The following PUDP variants were observed in gnomAD, a reference collection of about 807,000 sequenced individuals.
PUDP encodes pseudouridine 5'-phosphatase.
A neutral mutation model predicts 9.4 loss-of-function variants in PUDP; 8 were observed. That is an observed-to-expected ratio of 0.85 (90% CI 0.50 to 1.53). The LOEUF (loss-of-function observed/expected upper bound fraction) is 1.53. Among genes scored for constraint, PUDP ranks in the 40% most tolerant of loss-of-function variants. The probability of loss-of-function intolerance (pLI) is 0.00; values close to 1 mark genes in which losing one functional copy is unlikely to be tolerated. For missense variants in PUDP, 188 were observed against 189.7 expected (o/e 0.99, Z 0.05); for synonymous variants, 99 against 80.7 (o/e 1.23, Z -1.22).
Position 6,794,278 on chromosome X carries a change from G to A in PUDP, c.*248-87812C>T, listed in dbSNP as rs188669553. ...CCTAGGCTACAAGCCTCTACAATACGTTACTGTACTGAACACTGCAGGCAA... is the reference window on the plus strand; with the variant it reads ...CCTAGGCTACAAGCCTCTACAATACATTACTGTACTGAACACTGCAGGCAA... On this transcript the variant is annotated intron_variant and NMD_transcript_variant, in intron 3 of 3. Coordinates refer to the PUDP transcript ENST00000655425. 4.4e-4 allele frequency among the ~76,000 whole-genome samples: 49 copies of A among 112,260 alleles called. No homozygotes were observed. The East Asian group carries it at 0.013, about 29-fold the overall frequency.
At chrX:7,073,638 G>A (rs1410401251) in intron 3 of PUDP, among the ~76,000 whole-genome samples, 2 of 112,581 alleles carry the variant, frequency 1.8e-5, no homozygotes, top group Non-Finnish European at 3.7e-5. Flanking sequence ...TGACACAAAT[G>A]CCAAGTACAA....
chrX:6,816,891 T>C (rs9724299), intron 3 of PUDP, among the ~76,000 whole-genome samples: 29,761 of 90,104 alleles, frequency 0.33, 4,723 homozygotes, highest in East Asian at 0.73. Flanking sequence ...ACAATATATA[T>C]ACACATACAG....
chrX:7,026,295 A>G (rs1319777649), intron 1 of PUDP, among the ~76,000 whole-genome samples: 1 of 111,399 alleles, frequency 9.0e-6, no homozygotes, highest in Non-Finnish European at 1.9e-5. Flanking sequence ...AAGCAGACCC[A>G]TTATCAGAGG....
intron 3 of PUDP, among the ~76,000 whole-genome samples, chrX:6,750,168 C>T (rs1305546401): frequency 4.5e-5 from 5 of 111,397 alleles, no homozygotes; most frequent in South Asian, 3.8e-4. Context: ...AGTGTGGAGC[C>T]GTTCATGTTC....
At chrX:6,999,986 C>T (rs903601728) in intron 1 of PUDP, among the ~76,000 whole-genome samples, 1 of 110,078 alleles carries the variant, frequency 9.1e-6, no homozygotes, top group African/African-American at 3.3e-5. Context: ...GGGCAGGAAT[C>T]AAGACATTGT....
intron 3 of PUDP, among the ~76,000 whole-genome samples, chrX:6,807,990 T>C (rs939384038): frequency 4.5e-5 from 5 of 111,679 alleles, no homozygotes; most frequent in African/African-American, 1.3e-4. Context: ...ACCAGTTCCA[T>C]TTAGGAAAAG....
chrX:6,907,748 G>A (rs1240131816), intron 3 of PUDP, among the ~76,000 whole-genome samples: 1 of 111,823 alleles, frequency 8.9e-6, no homozygotes, highest in Non-Finnish European at 1.9e-5. Context: ...CATTGAGCTG[G>A]CTGATGTCAG....
intron 1 of PUDP, among the ~76,000 whole-genome samples, chrX:6,996,860 G>T (rs866706512): frequency 9.3e-6 from 1 of 107,844 alleles, no homozygotes; most frequent in Non-Finnish European, 1.9e-5. Flanking sequence ...GTAGAGACAG[G>T]GTTTCACCTT....
At chrX:6,866,257 G>GT (rs201396229) in intron 3 of PUDP, among the ~76,000 whole-genome samples, 9,646 of 100,304 alleles carry the variant, frequency 0.096, 615 homozygotes, top group East Asian at 0.45. Flanking sequence ...AAAATTTATG[G>GT]TTTTTTTTTT....
chrX:6,972,888 T>G (rs1205615825), intron 3 of PUDP, among the ~76,000 whole-genome samples: 1 of 111,875 alleles, frequency 8.9e-6, no homozygotes, highest in Non-Finnish European at 1.9e-5. Flanking sequence ...TTTCAGAACT[T>G]GTTATTGGCC....
intron 3 of PUDP, among the ~76,000 whole-genome samples, chrX:7,061,916 T>C (rs1204188700): frequency 8.9e-6 from 1 of 112,011 alleles, no homozygotes; most frequent in African/African-American, 3.2e-5. Context: ...AAATTCACTA[T>C]GAAGTTTAAA....
intron 1 of PUDP, chrX:6,706,598 CA>C (rs1211638405): frequency 8.9e-6 from 1 of 112,027 alleles, no homozygotes; most frequent in Non-Finnish European, 1.9e-5. Context: ...GGGTGGAATT[CA>C]ATACACAAAA....
chrX:6,762,498 G>T (rs183988818), intron 3 of PUDP, among the ~76,000 whole-genome samples: 87 of 111,912 alleles, frequency 7.8e-4, no homozygotes, highest in Admixed American at 2.1e-3. Context: ...AATGTCATAC[G>T]TGACAAAGAT....
chrX:6,814,030 A>G (rs1267337689), intron 3 of PUDP, among the ~76,000 whole-genome samples: 1 of 110,759 alleles, frequency 9.0e-6, no homozygotes, highest in Non-Finnish European at 1.9e-5. Flanking sequence ...AGACAGCACC[A>G]CGGACAGCTC....
At chrX:6,868,121 T>G (rs1927117609) in intron 3 of PUDP, among the ~76,000 whole-genome samples, 1 of 111,701 alleles carries the variant, frequency 9.0e-6, no homozygotes, top group South Asian at 3.8e-4. Context: ...AGGTTGGTAG[T>G]GTTGGTGGTA....
At chrX:6,714,993 ATGTGTGTGTGTG>A (rs775165133) in intron 1 of PUDP, among the ~76,000 whole-genome samples, 1 of 104,892 alleles carries the variant, frequency 9.5e-6, no homozygotes, top group East Asian at 2.9e-4. Flanking sequence ...ATATATATAT[ATGTGTGTGTGTG>A]TGTGTGTGTG....
At chrX:7,091,346 T>C (rs1208338706) in intron 2 of PUDP, among the ~76,000 whole-genome samples, 1 of 111,400 alleles carries the variant, frequency 9.0e-6, no homozygotes, top group African/African-American at 3.3e-5. Flanking sequence ...GGACTTTTTA[T>C]TCGTTCTTTT....
chrX:7,020,591 C>T (rs760666384), intron 1 of PUDP, among the ~76,000 whole-genome samples: 1 of 111,948 alleles, frequency 8.9e-6, no homozygotes, highest in African/African-American at 3.2e-5. Context: ...CGCACAACCA[C>T]ATATACCACC....
chrX:7,090,484 T>C (rs1424522327), intron 2 of PUDP, among the ~76,000 whole-genome samples: 1 of 111,762 alleles, frequency 8.9e-6, no homozygotes, highest in Admixed American at 9.5e-5. Flanking sequence ...AAAGGATGTA[T>C]ATAAAGATCA....
Sources: gnomAD v4.1 joint callset for allele counts (sites outside exome capture counted in the v4.1 genomes callset) on GRCh38, gnomAD v4.1.1 for gene constraint, MANE v1.5 for transcripts, NCBI Gene and HGNC (gene_info 2026-07-23, HGNC 2026-07-21) for gene names.